The following KCNIP4 variants were observed in gnomAD, a reference collection of about 807,000 sequenced individuals.
KCNIP4 encodes the protein potassium voltage-gated channel interacting protein 4.
In KCNIP4, 12 loss-of-function variants were observed where a neutral mutation model predicts 34.0. The observed-to-expected ratio is 0.35, with a 90% CI of 0.23 to 0.57. KCNIP4 has a LOEUF of 0.57. KCNIP4 is among the 20% of genes least tolerant of loss of function. The probability of loss-of-function intolerance (pLI) is 0.83; values close to 1 mark genes in which losing one functional copy is unlikely to be tolerated. For synonymous variants in KCNIP4, 124 were observed against 102.2 expected (o/e 1.21, Z -1.29); for missense variants, 238 against 311.7 (o/e 0.76, Z 1.78).
At chr4:21,242,903 T>C (rs1759952918) in intron 1 of KCNIP4, among the ~76,000 whole-genome samples, 1 of 151,644 alleles carries the variant, frequency 6.6e-6, no homozygotes, top group African/African-American at 2.4e-5. Flanking sequence ...TGTGTGTGTG[T>C]GTGTGTGTGT....
chr4:21,322,685 G>A (rs1472498262), intron 1 of KCNIP4, among the ~76,000 whole-genome samples: 1 of 151,816 alleles, frequency 6.6e-6, no homozygotes, highest in Non-Finnish European at 1.5e-5. Flanking sequence ...AAGTGAATCC[G>A]AAGTTTAATG....
At chr4:20,931,573 C>T (rs1730475857) in intron 1 of KCNIP4, among the ~76,000 whole-genome samples, 1 of 151,990 alleles carries the variant, frequency 6.6e-6, no homozygotes, top group Non-Finnish European at 1.5e-5. Context: ...AGTATTTGTG[C>T]ATGTAAACTT....
intron 1 of KCNIP4, among the ~76,000 whole-genome samples, chr4:21,775,024 C>A (rs933967313): frequency 1.3e-5 from 2 of 152,044 alleles, no homozygotes; most frequent in African/African-American, 4.8e-5. Flanking sequence ...GGAGAGGAGC[C>A]ATTTTGTCCT....
At chr4:21,713,208 T>C (rs1229570162) in intron 1 of KCNIP4, among the ~76,000 whole-genome samples, 1 of 152,192 alleles carries the variant, frequency 6.6e-6, no homozygotes, top group Non-Finnish European at 1.5e-5. Flanking sequence ...ATTAAACACA[T>C]TGGAAATTCT....
intron 1 of KCNIP4, among the ~76,000 whole-genome samples, chr4:21,240,549 G>T (rs940719591): frequency 6.6e-6 from 1 of 151,986 alleles, no homozygotes; most frequent in Non-Finnish European, 1.5e-5. Flanking sequence ...TTTTTCACCA[G>T]CAATTTTCCC....
At chr4:21,762,992 A>G (rs1433045311) in intron 1 of KCNIP4, 1 of 1,288,878 alleles carries the variant, frequency 7.8e-7, no homozygotes, top group South Asian at 1.2e-5. Flanking sequence ...CTTCTTGTCA[A>G]GGACAGCACT....
chr4:21,497,224 C>T (rs2109876898), intron 1 of KCNIP4, among the ~76,000 whole-genome samples: 2 of 152,248 alleles, frequency 1.3e-5, no homozygotes, highest in South Asian at 4.1e-4. Context: ...TGAAAATACA[C>T]ACTTCACATG....
chr4:21,303,685 CTT>C, intron 1 of KCNIP4: 1 of 691,658 alleles, frequency 1.4e-6, no homozygotes, highest in South Asian at 2.6e-5. Context: ...ACCTGGCTTC[CTT>C]CATGTCCATC....
intron 3 of KCNIP4, among the ~76,000 whole-genome samples, chr4:20,770,014 G>A (rs1188157315): frequency 6.6e-6 from 1 of 152,192 alleles, no homozygotes; most frequent in Non-Finnish European, 1.5e-5. Context: ...TCTCATCACA[G>A]TAGTACCTTG....
chr4:20,891,864 T>G (rs1315551277), intron 1 of KCNIP4, among the ~76,000 whole-genome samples: 4 of 152,204 alleles, frequency 2.6e-5, no homozygotes, highest in Non-Finnish European at 4.4e-5. Context: ...TGCCTATTTT[T>G]AAAGTGGACT....
intron 1 of KCNIP4, among the ~76,000 whole-genome samples, chr4:21,588,327 T>C (rs1166777665): frequency 6.6e-6 from 1 of 152,038 alleles, no homozygotes; most frequent in African/African-American, 2.4e-5. Context: ...AAGGTTGTTA[T>C]GGTGAGGAAA....
intron 1 of KCNIP4, among the ~76,000 whole-genome samples, chr4:20,905,941 T>C (rs1428720734): frequency 6.6e-6 from 1 of 152,110 alleles, no homozygotes; most frequent in Non-Finnish European, 1.5e-5. Flanking sequence ...CATTCTGAGG[T>C]ACTGGGGTTT....
Position 20,732,665 on chromosome 4 carries a change from C to T in KCNIP4, c.642+16G>A. ...TCCTAACTTCATGCCCTCTTGACTT[C>T]TGTTTTAATTCCTACCTGAAAAAAT... On this transcript the variant is annotated intron_variant, in intron 7 of 8. Coordinates refer to ENST00000382152, the MANE Select transcript of KCNIP4 (RefSeq NM_025221.6). 1 of 1,550,524 alleles carries T rather than the reference C, an allele frequency of 6.4e-7. No homozygotes were observed. Among genetic ancestry groups the T allele is most frequent in the Non-Finnish European group, 8.9e-7 (1 of 1,122,632 alleles).
intron 1 of KCNIP4, among the ~76,000 whole-genome samples, chr4:21,787,431 G>C (rs757310711): frequency 4.6e-5 from 7 of 152,080 alleles, no homozygotes; most frequent in Non-Finnish European, 1.0e-4. Flanking sequence ...CTCCAACTAG[G>C]GTTAGATGCT....
chr4:21,886,961 T>A (rs1315882531), intron 1 of KCNIP4, among the ~76,000 whole-genome samples: 1 of 152,092 alleles, frequency 6.6e-6, no homozygotes, highest in Non-Finnish European at 1.5e-5. Context: ...AATCAAACAG[T>A]CAGGAATACA....
intron 1 of KCNIP4, among the ~76,000 whole-genome samples, chr4:21,601,394 A>G (rs1264272516): frequency 6.6e-6 from 1 of 152,094 alleles, no homozygotes; most frequent in African/African-American, 2.4e-5. Context: ...ATCCAGCTAT[A>G]ATAAGTACTT....
At chr4:21,809,502 C>A (rs1225402967) in intron 1 of KCNIP4, among the ~76,000 whole-genome samples, 1 of 152,178 alleles carries the variant, frequency 6.6e-6, no homozygotes, top group Non-Finnish European at 1.5e-5. Context: ...CACATACACA[C>A]ACTATTAGTT....
chr4:21,307,082 A>G (rs1433837112), intron 1 of KCNIP4, among the ~76,000 whole-genome samples: 3 of 152,084 alleles, frequency 2.0e-5, no homozygotes, highest in Non-Finnish European at 2.9e-5. Flanking sequence ...TTGGACCCCC[A>G]AAGTCCTGGG....
intron 4 of KCNIP4, among the ~76,000 whole-genome samples, chr4:20,751,263 CA>C (rs1483530594): frequency 6.6e-6 from 1 of 152,312 alleles, no homozygotes; most frequent in East Asian, 1.9e-4. Flanking sequence ...GTCTAAATAA[CA>C]TGTAACACTG....
Sources: gnomAD v4.1 joint callset for allele counts (sites outside exome capture counted in the v4.1 genomes callset) on GRCh38, gnomAD v4.1.1 for gene constraint, MANE v1.5 for transcripts, NCBI Gene and HGNC (gene_info 2026-07-23, HGNC 2026-07-21) for gene names.